The following RIMS1 variants were observed in gnomAD, a reference collection of about 807,000 sequenced individuals.
The protein encoded by RIMS1 is regulating synaptic membrane exocytosis 1.
In RIMS1, 83 loss-of-function variants were observed where a neutral mutation model predicts 214.1. That is an observed-to-expected ratio of 0.39 (90% CI 0.32 to 0.47). The LOEUF (loss-of-function observed/expected upper bound fraction) is 0.47. RIMS1 is among the 20% of genes least tolerant of loss of function. The probability of loss-of-function intolerance (pLI) is 0.99; values close to 1 mark genes in which losing one functional copy is unlikely to be tolerated. For missense variants in RIMS1, 2,050 were observed against 2,161.8 expected (o/e 0.95, Z 1.03); for synonymous variants, 793 against 786.8 (o/e 1.01, Z -0.13).
chr6:72,261,506 A>C (rs905395099), intron 19 of RIMS1: 2 of 942,728 alleles, frequency 2.1e-6, no homozygotes, highest in African/African-American at 3.5e-5. Flanking sequence ...AACTTCTTAC[A>C]GATTACTCAT....
chr6:72,172,189 C>T (rs2047123787), intron 4 of RIMS1, among the ~76,000 whole-genome samples: 2 of 151,958 alleles, frequency 1.3e-5, no homozygotes, highest in Non-Finnish European at 2.9e-5. Context: ...AAGTGTTTAC[C>T]TTAACGGTAC....
At chr6:71,996,062 G>A (rs1222009544) in intron 2 of RIMS1, among the ~76,000 whole-genome samples, 2 of 152,118 alleles carry the variant, frequency 1.3e-5, no homozygotes, top group African/African-American at 2.4e-5. Context: ...TTACAGGCAT[G>A]AGCCACCACT....
chr6:72,320,766 A>C (rs1439133173), intron 28 of RIMS1, among the ~76,000 whole-genome samples: 2 of 152,088 alleles, frequency 1.3e-5, no homozygotes, highest in African/African-American at 4.8e-5. Context: ...AGCATTATAT[A>C]GATTGTCCAG....
intron 25 of RIMS1, among the ~76,000 whole-genome samples, chr6:72,291,670 A>T (rs1461003697): frequency 6.6e-6 from 1 of 152,224 alleles, no homozygotes; most frequent in Admixed American, 6.5e-5. Flanking sequence ...CTTAATAGAA[A>T]GTTAATGAAA....
intron 6 of RIMS1, among the ~76,000 whole-genome samples, chr6:72,183,819 T>C (rs756296342): frequency 9.2e-5 from 14 of 152,164 alleles, no homozygotes; most frequent in Non-Finnish European, 2.1e-4. Flanking sequence ...ACTATATATA[T>C]AGATACTAGT....
intron 6 of RIMS1, among the ~76,000 whole-genome samples, chr6:72,185,408 A>G (rs1358351164): frequency 2.6e-5 from 4 of 152,200 alleles, no homozygotes; most frequent in Admixed American, 1.3e-4. Context: ...AAATCATGAA[A>G]GAGATTGTGG....
chr6:72,146,549 C>T (rs1308343706), intron 4 of RIMS1, among the ~76,000 whole-genome samples: 1 of 151,952 alleles, frequency 6.6e-6, no homozygotes, highest in African/African-American at 2.4e-5. Context: ...TTTAGAAAAC[C>T]CTGTTGTGCT....
At chr6:72,183,263 G>C in intron 6 of RIMS1, 114 bp downstream of exon 6, 1 of 992,016 alleles carries the variant, frequency 1.0e-6, no homozygotes. Context: ...AATGCTCACA[G>C]ATAAGATAGC....
At chr6:72,066,405 C>T (rs561273889) in intron 2 of RIMS1, among the ~76,000 whole-genome samples, 1 of 152,228 alleles carries the variant, frequency 6.6e-6, no homozygotes, top group South Asian at 2.1e-4. Flanking sequence ...ATTATTGAAT[C>T]TCAGTCAATA....
At chr6:72,278,610 T>A (rs2088093385) in intron 23 of RIMS1, among the ~76,000 whole-genome samples, 1 of 152,174 alleles carries the variant, frequency 6.6e-6, no homozygotes, top group Non-Finnish European at 1.5e-5. Flanking sequence ...TTACTTATTA[T>A]TTCTTTTTGT....
chr6:72,226,932 T>C (rs1405208934), intron 6 of RIMS1, among the ~76,000 whole-genome samples: 1 of 152,046 alleles, frequency 6.6e-6, no homozygotes, highest in Non-Finnish European at 1.5e-5. Context: ...TACTGACATA[T>C]CTCAGTTAAT....
intron 4 of RIMS1, among the ~76,000 whole-genome samples, chr6:72,164,098 C>A (rs1455570646): frequency 6.6e-6 from 1 of 152,262 alleles, no homozygotes; most frequent in African/African-American, 2.4e-5. Context: ...TGGTGGGCGC[C>A]CCTCCCCCAG....
In RIMS1 at chr6:72,135,704, G is replaced by C. The variant is rs184026751; in HGVS notation, c.471+35718G>C. ...TTCACTAGGATATTCTACAATCAGA[G>C]AACAGCCAACTTTGTTTCAATAAGT... On this transcript the variant is annotated intron_variant, in intron 4 of 33. Coordinates refer to ENST00000521978, the MANE Select transcript of RIMS1 (RefSeq NM_014989.7). Among the ~76,000 whole-genome samples, 9 of 152,250 alleles carry C rather than the reference G, an allele frequency of 5.9e-5. No homozygotes were observed. The East Asian group carries it at 1.7e-3, about 29-fold the overall frequency.
At chr6:72,007,153 A>T (rs1808064607) in intron 2 of RIMS1, among the ~76,000 whole-genome samples, 1 of 152,246 alleles carries the variant, frequency 6.6e-6, no homozygotes, top group East Asian at 1.9e-4. Flanking sequence ...ACGCAGCAAC[A>T]TTTACTGTTC....
Position 72,233,859 on chromosome 6 carries a change from G to A in RIMS1, c.1746+19G>A, listed in dbSNP as rs1362409314. On this transcript the variant is annotated intron_variant, in intron 7 of 33. Coordinates refer to ENST00000521978, the MANE Select transcript of RIMS1 (RefSeq NM_014989.7). ...TAGTTCGGTAAGTTTTCTGGAAAGT[G>A]TGTTTGGAGTTTAGGGAATATGTGT... 2 of 1,536,500 alleles carry A rather than the reference G, an allele frequency of 1.3e-6. No homozygotes were observed. Among genetic ancestry groups the A allele is most frequent in the African/African-American group, 1.4e-5 (1 of 73,238 alleles).
intron 29 of RIMS1, among the ~76,000 whole-genome samples, chr6:72,343,863 A>G (rs2097178751): frequency 6.6e-6 from 1 of 151,550 alleles, no homozygotes; most frequent in South Asian, 2.1e-4. Flanking sequence ...GTGTTTATGA[A>G]TTTCCAAGGT....
Position 72,371,438 on chromosome 6 carries a change from A to G in RIMS1, c.4367-19160A>G, listed in dbSNP as rs377088115. ...ATCCTGTTTTTCTTTCTAGTAGAGC[A>G]CTACTTTAAAGTGCTCTACTTAAAA... On this transcript the variant is annotated intron_variant, in intron 29 of 33. Transcript: ENST00000521978. Among the ~76,000 whole-genome samples the G allele has an allele frequency of 8.3e-4, 127 of 152,330 alleles. 2 individuals carry two copies. Among genetic ancestry groups the G allele is most frequent in the African/African-American group, 2.9e-3 (122 of 41,570 alleles).
At chr6:72,147,636 G>A (rs1157980708) in intron 4 of RIMS1, among the ~76,000 whole-genome samples, 1 of 152,134 alleles carries the variant, frequency 6.6e-6, no homozygotes, top group East Asian at 1.9e-4. Context: ...GAGAAGAAAA[G>A]AATGTTTTTC....
chr6:72,368,293 T>C (rs2098107670), intron 29 of RIMS1, among the ~76,000 whole-genome samples: 1 of 76,348 alleles, frequency 1.3e-5, no homozygotes, highest in South Asian at 5.4e-4. Flanking sequence ...TGTTGTCTGA[T>C]TTTTTTTTTT....
Sources: gnomAD v4.1 joint callset for allele counts (sites outside exome capture counted in the v4.1 genomes callset) on GRCh38, gnomAD v4.1.1 for gene constraint, MANE v1.5 for transcripts, NCBI Gene and HGNC (gene_info 2026-07-23, HGNC 2026-07-21) for gene names.